The following PSD3 variants were observed in gnomAD, a reference collection of about 807,000 sequenced individuals.
PSD3 encodes PH and SEC7 domain-containing protein 3.
Under a neutral mutation model 105.5 loss-of-function variants are expected in PSD3, and 49 were observed. The observed-to-expected ratio is 0.46, with a 90% CI of 0.37 to 0.59. PSD3 has a LOEUF of 0.59. Among genes scored for constraint, PSD3 ranks in the 20% least tolerant of loss-of-function variants. The probability of loss-of-function intolerance (pLI) is 0.00; values close to 1 mark genes in which losing one functional copy is unlikely to be tolerated. For synonymous variants in PSD3, 557 were observed against 457.8 expected, an observed-to-expected ratio of 1.22 and a Z score of -2.77; for missense variants, 1,561 against 1,263.8, an observed-to-expected ratio of 1.24 and a Z score of -3.57.
chr8:18,919,475 G>A (rs79714293), intron 2 of PSD3, among the ~76,000 whole-genome samples: 1 of 152,166 alleles, frequency 6.6e-6, no homozygotes, highest in East Asian at 1.9e-4. Context: ...AGATTTCTGA[G>A]TCAAACAGAA....
chr8:19,038,453 A>G (rs1828016760), intron 1 of PSD3, among the ~76,000 whole-genome samples: 1 of 151,934 alleles, frequency 6.6e-6, no homozygotes, highest in African/African-American at 2.4e-5. Context: ...ACATTTATTT[A>G]TTTATCTATT....
chr8:18,829,304 T>C (rs986550652), intron 4 of PSD3, among the ~76,000 whole-genome samples: 33 of 152,038 alleles, frequency 2.2e-4, no homozygotes, highest in Non-Finnish European at 1.9e-4. Context: ...ATGTTCTCTA[T>C]ACCATAGAAA....
At chr8:18,571,703 G>T (rs557736686) in intron 14 of PSD3, among the ~76,000 whole-genome samples, 1 of 152,118 alleles carries the variant, frequency 6.6e-6, no homozygotes, top group Non-Finnish European at 1.5e-5. Flanking sequence ...TCCCTCTCTT[G>T]CCATGGGACA....
intron 1 of PSD3, among the ~76,000 whole-genome samples, chr8:18,991,541 G>C (rs1417075761): frequency 2.0e-5 from 3 of 152,060 alleles, no homozygotes; most frequent in Non-Finnish European, 4.4e-5. Context: ...TCCAAAATTG[G>C]TAATACCTGT....
intron 9 of PSD3, among the ~76,000 whole-genome samples, chr8:18,677,432 T>A (rs1316626616): frequency 6.6e-6 from 1 of 151,046 alleles, no homozygotes; most frequent in Non-Finnish European, 1.5e-5. Context: ...AAAAAAAAAA[T>A]AGCTGGGTGT....
At chr8:18,945,338 T>G (rs1241054918) in intron 1 of PSD3, among the ~76,000 whole-genome samples, 1 of 152,118 alleles carries the variant, frequency 6.6e-6, no homozygotes, top group Non-Finnish European at 1.5e-5. Context: ...AAGAAAGTCA[T>G]GAGACAGAAG....
chr8:18,948,960 T>C (rs995714733), intron 1 of PSD3, among the ~76,000 whole-genome samples: 16 of 151,882 alleles, frequency 1.1e-4, no homozygotes, highest in Non-Finnish European at 1.8e-4. Context: ...AAGTGAAACA[T>C]GTAATACCTA....
Position 19,037,186 on chromosome 8 carries a change from T to A in PSD3, c.324+47020A>T, listed in dbSNP as rs574732418. Among the ~76,000 whole-genome samples, 7 of 152,352 alleles carry A rather than the reference T, an allele frequency of 4.6e-5. No individual in the cohort carries two copies. In the South Asian group the frequency reaches 1.2e-3, roughly 27 times the overall value. On this transcript the variant is annotated intron_variant, in intron 1 of 1. Transcript: ENST00000521475. ...TGGCAATTTCAGGCCCTATGGCAAATCAATGATAGAACTTTCTGTGCTGAA... is the reference window on the plus strand; with the variant it reads ...TGGCAATTTCAGGCCCTATGGCAAAACAATGATAGAACTTTCTGTGCTGAA...
At chr8:18,603,969 C>T (rs1435413972) in intron 11 of PSD3, among the ~76,000 whole-genome samples, 1 of 152,164 alleles carries the variant, frequency 6.6e-6, no homozygotes, top group Non-Finnish European at 1.5e-5. Flanking sequence ...TATAAATTAC[C>T]CAGTCTCAGG....
intron 14 of PSD3, 53 bp from the exon 15 acceptor site, chr8:18,556,405 C>G: frequency 6.5e-7 from 1 of 1,548,206 alleles, no homozygotes. Context: ...AAGTCAATAA[C>G]AAAGCACAGC....
At chr8:18,944,774 T>C (rs570263624) in intron 1 of PSD3, among the ~76,000 whole-genome samples, 79 of 152,308 alleles carry the variant, frequency 5.2e-4, no homozygotes, top group African/African-American at 1.8e-3. Flanking sequence ...ATTGCTTTTT[T>C]ATTTCAGTGC....
At chr8:19,018,579 T>A (rs1458980461), upstream of PSD3, among the ~76,000 whole-genome samples, 1 of 152,212 alleles carries the variant, frequency 6.6e-6, no homozygotes. Flanking sequence ...TTAAGAGATA[T>A]GTAGATGTGT....
intron 4 of PSD3, among the ~76,000 whole-genome samples, chr8:18,826,979 T>C (rs1232352049): frequency 6.6e-6 from 1 of 152,144 alleles, no homozygotes; most frequent in African/African-American, 2.4e-5. Flanking sequence ...CATACCAAAG[T>C]GATATGAATG....
chr8:19,024,876 G>C (rs150229889), intron 1 of PSD3, among the ~76,000 whole-genome samples: 1 of 152,130 alleles, frequency 6.6e-6, no homozygotes, highest in Non-Finnish European at 1.5e-5. Context: ...TCATTTGGCT[G>C]TTCCCGAGTT....
At chr8:18,855,413 C>A (rs1815928711) in intron 4 of PSD3, among the ~76,000 whole-genome samples, 1 of 151,708 alleles carries the variant, frequency 6.6e-6, no homozygotes, top group African/African-American at 2.4e-5. Context: ...GTCAAAATGC[C>A]CATAAATAGA....
In PSD3 at chr8:19,006,169, T is replaced by C. The variant is rs547879184; in HGVS notation, c.21+7394A>G. Among the ~76,000 whole-genome samples, 279 of 151,530 alleles carry C rather than the reference T, an allele frequency of 1.8e-3. 2 individuals carry two copies. The highest frequency in any genetic ancestry group is 6.5e-3 in the African/African-American group (268 of 41,384). ...TTAGCTGGGTGTGGTGGCACGTGCC[T>C]GTAATCTCAGCTACTCGGGAGGTGG... On this transcript the variant is annotated intron_variant, in intron 1 of 15. Transcript: ENST00000327040.
Position 18,560,175 on chromosome 8 carries a change from T to TACACACACACACACAC in PSD3, c.2785-3839_2785-3824dup, listed in dbSNP as rs5889808. Among the ~76,000 whole-genome samples the TACACACACACACACAC allele has an allele frequency of 2.3e-3, 331 of 143,444 alleles. 1 individual carries two copies. The highest frequency in any genetic ancestry group is 6.3e-3 in the Admixed American group (89 of 14,234). The allele number at this position is 143,444 out of a possible 152,430, so 94.1% of individuals were successfully genotyped here. ...CCCATGATAAGAAAGATACACATTT[T>TACACACACACACACAC]ACACACACACACACACACACACACA... On this transcript the variant is annotated intron_variant, in intron 14 of 15. Transcript: ENST00000327040.
chr8:18,805,290 CAGA>C (rs1470732780), intron 4 of PSD3, among the ~76,000 whole-genome samples: 12 of 152,052 alleles, frequency 7.9e-5, no homozygotes, highest in Admixed American at 2.6e-4. Context: ...TATTGTTTTC[CAGA>C]AGAACTAAAA....
At chr8:18,906,562 G>C (rs1819861676) in intron 2 of PSD3, among the ~76,000 whole-genome samples, 1 of 152,066 alleles carries the variant, frequency 6.6e-6, no homozygotes, top group African/African-American at 2.4e-5. Context: ...GTATATGAGG[G>C]GCACAAACAC....
Sources: allele counts gnomAD v4.1 joint callset (sites outside exome capture counted in the v4.1 genomes callset), GRCh38; gene constraint gnomAD v4.1.1; transcripts MANE v1.5; gene names NCBI Gene and HGNC (gene_info 2026-07-23, HGNC 2026-07-21).